Variants in IL1RAPL1 observed in about 807,000 individuals in gnomAD.
The protein encoded by IL1RAPL1 is interleukin-1 receptor accessory protein-like 1.
IL1RAPL1 carries 3 observed loss-of-function variants against 48.4 expected under a neutral mutation model. The observed-to-expected ratio is 0.06, with a 90% CI of 0.03 to 0.16. The LOEUF (loss-of-function observed/expected upper bound fraction) is 0.16, where lower values mean the gene tolerates loss of function less well. Ranked by LOEUF, IL1RAPL1 falls within the 10% of genes least tolerant of loss-of-function variation. The pLI, the probability that IL1RAPL1 is intolerant of heterozygous loss-of-function variation, is 1.00. For missense variants in IL1RAPL1, 349 were observed against 530.6 expected, an observed-to-expected ratio of 0.66 and a Z score of 3.36; for synonymous variants, 185 against 187.7, an observed-to-expected ratio of 0.99 and a Z score of 0.12.
chrX:28,897,561 G>A (rs980713105), intron 2 of IL1RAPL1, among the ~76,000 whole-genome samples: 4 of 111,990 alleles, frequency 3.6e-5, no homozygotes, highest in Admixed American at 9.4e-5. Context: ...GCCACTTACC[G>A]GACTTAAAAT....
chrX:29,172,018 A>G (rs1481340465), intron 2 of IL1RAPL1, among the ~76,000 whole-genome samples: 3 of 112,411 alleles, frequency 2.7e-5, no homozygotes, highest in Non-Finnish European at 5.6e-5. Flanking sequence ...TAACCTCAAG[A>G]TGTCTTTAAT....
intron 2 of IL1RAPL1, among the ~76,000 whole-genome samples, chrX:29,215,342 C>CAA (rs748922177): frequency 0.088 from 5,777 of 65,901 alleles, 544 homozygotes; most frequent in African/African-American, 0.27. Context: ...GACTCTGTCT[C>CAA]AAAAAAAAAA....
intron 2 of IL1RAPL1, among the ~76,000 whole-genome samples, chrX:29,131,243 C>T (rs1165494036): frequency 9.6e-6 from 1 of 104,408 alleles, no homozygotes; most frequent in Non-Finnish European, 2.0e-5. Context: ...AGATTGTGCT[C>T]ACTCTCTAGT....
chrX:29,181,735 A>C (rs1325520951), intron 2 of IL1RAPL1, among the ~76,000 whole-genome samples: 1 of 112,103 alleles, frequency 8.9e-6, no homozygotes, highest in Non-Finnish European at 1.9e-5. Context: ...AATTATATTT[A>C]TATAACTGCT....
chrX:29,230,520 A>AAAAAAAAAAAC (rs1931177105), intron 2 of IL1RAPL1, among the ~76,000 whole-genome samples: 1 of 96,829 alleles, frequency 1.0e-5, no homozygotes, highest in Non-Finnish European at 2.1e-5. Context: ...AAAAAAAAAA[A>AAAAAAAAAAAC]AAAAAAAAAA....
chrX:28,925,505 G>A (rs1686416840), intron 2 of IL1RAPL1, among the ~76,000 whole-genome samples: 1 of 111,618 alleles, frequency 9.0e-6, no homozygotes. Flanking sequence ...TGTGAATATT[G>A]CCAGGAGTTA....
At chrX:29,334,269 G>C (rs1932940690) in intron 3 of IL1RAPL1, among the ~76,000 whole-genome samples, 2 of 66,696 alleles carry the variant, frequency 3.0e-5, no homozygotes, top group Admixed American at 2.6e-4. Flanking sequence ...CCCAGTAGGG[G>C]AGGCCGGGCA....
At chrX:28,950,117 T>C (rs1338375687) in intron 2 of IL1RAPL1, among the ~76,000 whole-genome samples, 1 of 101,005 alleles carries the variant, frequency 9.9e-6, no homozygotes, top group Non-Finnish European at 2.0e-5. Flanking sequence ...GATTTTTGTA[T>C]AAGGTGTAAG....
chrX:29,511,413 C>T (rs912893151), intron 5 of IL1RAPL1, among the ~76,000 whole-genome samples: 3 of 112,100 alleles, frequency 2.7e-5, no homozygotes, highest in African/African-American at 9.7e-5. Flanking sequence ...CAGCCTACTT[C>T]TTACTCTTTT....
chrX:29,048,560 A>G (rs980135178), intron 2 of IL1RAPL1, among the ~76,000 whole-genome samples: 4 of 111,998 alleles, frequency 3.6e-5, no homozygotes, highest in African/African-American at 9.7e-5. Flanking sequence ...AGTGTTCATC[A>G]TATTTCTTGA....
chrX:28,609,834 A>G (rs891135574), intron 1 of IL1RAPL1, among the ~76,000 whole-genome samples: 1 of 110,916 alleles, frequency 9.0e-6, no homozygotes, highest in Non-Finnish European at 1.9e-5. Context: ...CTCAACCCCA[A>G]TGATCAGAGA....
Position 28,819,707 on chromosome X carries a change from A to G in IL1RAPL1, c.82+30282A>G, listed in dbSNP as rs771779432. 7.3e-5 allele frequency among the ~76,000 whole-genome samples: 8 copies of G among 108,868 alleles called. No individual in the cohort carries two copies. The East Asian group carries it at 2.3e-3, about 32-fold the overall frequency. The allele number at this position is 108,868 out of a possible 115,157, so 94.5% of individuals were successfully genotyped here. On this transcript the variant is annotated intron_variant, in intron 2 of 10. Transcript: ENST00000378993. ...GAAAATAATAAAATTGTGTAAGATCAGAATTGTTCCAGAAACCTAGGATGC... is the reference window on the plus strand; with the variant it reads ...GAAAATAATAAAATTGTGTAAGATCGGAATTGTTCCAGAAACCTAGGATGC...
intron 2 of IL1RAPL1, among the ~76,000 whole-genome samples, chrX:28,909,569 A>G (rs1265420790): frequency 9.0e-6 from 1 of 111,557 alleles, no homozygotes; most frequent in Non-Finnish European, 1.9e-5. Context: ...TACTCAGATG[A>G]TTAACTCAAT....
intron 5 of IL1RAPL1, among the ~76,000 whole-genome samples, chrX:29,552,360 G>A (rs1402711257): frequency 9.0e-6 from 1 of 111,112 alleles, no homozygotes; most frequent in Non-Finnish European, 1.9e-5. Flanking sequence ...GGCCCCTACA[G>A]TTTTAACTTA....
chrX:28,944,302 G>A (rs1924239355), intron 2 of IL1RAPL1, among the ~76,000 whole-genome samples: 1 of 109,986 alleles, frequency 9.1e-6, no homozygotes, highest in African/African-American at 3.3e-5. Flanking sequence ...TTAGGGTAAT[G>A]ATTTGTAAGT....
intron 2 of IL1RAPL1, among the ~76,000 whole-genome samples, chrX:29,030,997 A>G (rs1453983782): frequency 9.0e-6 from 1 of 111,600 alleles, no homozygotes; most frequent in African/African-American, 3.2e-5. Context: ...TAAAGCTAGT[A>G]ATGTATTTGA....
At chrX:29,786,210 G>C (rs1259426167) in intron 6 of IL1RAPL1, among the ~76,000 whole-genome samples, 3 of 111,177 alleles carry the variant, frequency 2.7e-5, no homozygotes, top group African/African-American at 9.8e-5. Context: ...GAAGTACCTG[G>C]CCTCATCGAA....
intron 6 of IL1RAPL1, among the ~76,000 whole-genome samples, chrX:29,873,388 CA>C (rs59970287): frequency 4.8e-4 from 50 of 103,553 alleles, no homozygotes; most frequent in African/African-American, 1.8e-3. Flanking sequence ...GCCCCCCCCC[CA>C]ATTATATGTT....
intron 5 of IL1RAPL1, among the ~76,000 whole-genome samples, chrX:29,499,791 GTTTATTTCCTTCTAAACAAGTT>G (rs1305812553): frequency 9.0e-6 from 1 of 110,861 alleles, no homozygotes; most frequent in African/African-American, 3.3e-5. Flanking sequence ...AATCTTTGCT[GTTTATTTCCTTCTAAACAAGTT>G]TTTATTGATA....
Sources: allele counts gnomAD v4.1 joint callset (sites outside exome capture counted in the v4.1 genomes callset), GRCh38; gene constraint gnomAD v4.1.1; transcripts MANE v1.5; gene names NCBI Gene and HGNC (gene_info 2026-07-23, HGNC 2026-07-21).